Variants in DGUOK observed in about 807,000 individuals in gnomAD.
DGUOK encodes deoxyguanosine kinase, mitochondrial.
Under a neutral mutation model 36.6 loss-of-function variants are expected in DGUOK, and 30 were observed. The ratio of observed to expected loss-of-function variants is 0.82; its 90% CI spans 0.61 to 1.11. DGUOK has a LOEUF of 1.11. DGUOK is among the 50% of genes most tolerant of loss of function. The pLI, the probability that DGUOK is intolerant of heterozygous loss-of-function variation, is 0.00. For synonymous variants in DGUOK, 145 were observed against 126.3 expected, an observed-to-expected ratio of 1.15 and a Z score of -0.99; for missense variants, 361 against 336.4, an observed-to-expected ratio of 1.07 and a Z score of -0.57.
chr2:73,940,973 C>T (rs1250259114), intron 2 of DGUOK, among the ~76,000 whole-genome samples: 1 of 152,242 alleles, frequency 6.6e-6, no homozygotes, highest in Non-Finnish European at 1.5e-5. Flanking sequence ...ATATTCCTCC[C>T]TTCTAGAAGT....
chr2:73,946,658 G>A, intron 2 of DGUOK, 61 bp from the exon 3 acceptor site: 1 of 1,469,486 alleles, frequency 6.8e-7, no homozygotes, highest in South Asian at 1.1e-5. Flanking sequence ...GTGGAGGGGT[G>A]TACCCCATGG....
intron 6 of DGUOK, among the ~76,000 whole-genome samples, 164 bp downstream of exon 6, chr2:73,958,409 C>G (rs961372776): frequency 1.3e-5 from 2 of 152,186 alleles, no homozygotes; most frequent in African/African-American, 4.8e-5. Context: ...ACAAATATCC[C>G]TATTCTCTAA....
intron 2 of DGUOK, among the ~76,000 whole-genome samples, chr2:73,942,413 C>T (rs974270427): frequency 6.6e-6 from 1 of 152,002 alleles, no homozygotes; most frequent in Admixed American, 6.5e-5. Context: ...AGTTATAAGA[C>T]TTTAGTTTTT....
chr2:73,927,929 T>G (rs910105392), intron 1 of DGUOK, among the ~76,000 whole-genome samples: 1 of 152,212 alleles, frequency 6.6e-6, no homozygotes, highest in South Asian at 2.1e-4. Flanking sequence ...AATCACCTTT[T>G]GAGCCACTTC....
intron 3 of DGUOK, among the ~76,000 whole-genome samples, chr2:73,947,469 C>CT (rs1558658708): frequency 6.6e-6 from 1 of 152,058 alleles, no homozygotes; most frequent in South Asian, 2.1e-4. Context: ...TGTGAGAGGG[C>CT]TTTTTGCTGG....
At chr2:73,943,025 CTTTTT>C (rs1273977416) in intron 2 of DGUOK, among the ~76,000 whole-genome samples, 1 of 151,896 alleles carries the variant, frequency 6.6e-6, no homozygotes, top group Non-Finnish European at 1.5e-5. Context: ...CTAGAATGAA[CTTTTT>C]TTTGGTCATG....
Position 73,948,854 on chromosome 2 carries a change from C to T in DGUOK, c.444-1731C>T, listed in dbSNP as rs1274717962. 4.6e-5 allele frequency among the ~76,000 whole-genome samples: 7 copies of T among 152,208 alleles called. 1 individual carries two copies. On this transcript the variant is annotated intron_variant, in intron 3 of 6. Coordinates refer to ENST00000264093, the MANE Select transcript of DGUOK (RefSeq NM_080916.3). ...ACCCTTCTGCCCCTCACCCCATCAC[C>T]ACCACAAGCTTTGAAGAAATAAAGG... is the stretch of plus-strand genomic sequence containing the variant.
At chr2:73,958,298 A>ATCTT (rs1683282875) in intron 6 of DGUOK, 53 bp downstream of exon 6, 1 of 1,441,520 alleles carries the variant, frequency 6.9e-7, no homozygotes, top group Admixed American at 1.7e-5. Flanking sequence ...TTGTACTTTT[A>ATCTT]TCTTTCTGGC....
chr2:73,932,938 T>A (rs1232688449), intron 1 of DGUOK, among the ~76,000 whole-genome samples: 1 of 152,252 alleles, frequency 6.6e-6, no homozygotes, highest in South Asian at 2.1e-4. Flanking sequence ...TATTATCATC[T>A]TCTTGTGATT....
At chr2:73,955,768 A>C (rs1396586511) in intron 4 of DGUOK, among the ~76,000 whole-genome samples, 1 of 152,028 alleles carries the variant, frequency 6.6e-6, no homozygotes, top group Non-Finnish European at 1.5e-5. Flanking sequence ...CAGCTACTTG[A>C]GAGGCTGAGG....
chr2:73,929,924 T>G, intron 1 of DGUOK, among the ~76,000 whole-genome samples: 1 of 152,198 alleles, frequency 6.6e-6, no homozygotes, highest in East Asian at 1.9e-4. Flanking sequence ...CATTTTTAAT[T>G]TTCTTTTTGT....
At chr2:73,939,860 T>C (rs1410292862) in intron 2 of DGUOK, among the ~76,000 whole-genome samples, 1 of 152,120 alleles carries the variant, frequency 6.6e-6, no homozygotes, top group East Asian at 1.9e-4. Flanking sequence ...CTATATATAG[T>C]TGAAGGTAAT....
chr2:73,952,921 T>A (rs1385990101), intron 4 of DGUOK, among the ~76,000 whole-genome samples: 1 of 152,140 alleles, frequency 6.6e-6, no homozygotes, highest in South Asian at 2.1e-4. Context: ...CTCACAGTTA[T>A]GGAGACTGGG....
At chr2:73,943,585 A>T (rs1233686476) in intron 2 of DGUOK, among the ~76,000 whole-genome samples, 1 of 151,828 alleles carries the variant, frequency 6.6e-6, no homozygotes, top group East Asian at 1.9e-4. Context: ...CTTTAAGATT[A>T]TATGGATTCA....
intron 1 of DGUOK, 142 bp downstream of exon 1, chr2:73,927,194 C>A (rs1328637753): frequency 9.7e-6 from 11 of 1,136,048 alleles, no homozygotes; most frequent in Non-Finnish European, 1.1e-5. Context: ...TTTCCCCTCG[C>A]AAAGTGCACT....
At chr2:73,932,367 G>C (rs1279663538) in intron 1 of DGUOK, among the ~76,000 whole-genome samples, 6 of 152,136 alleles carry the variant, frequency 3.9e-5, no homozygotes, top group Admixed American at 3.9e-4. Context: ...CTTGAGTTCT[G>C]CTGAGCTTGT....
Position 73,954,894 on chromosome 2 carries a change from C to T in DGUOK, c.592-2231C>T, listed in dbSNP as rs141047514. On this transcript the variant is annotated intron_variant, in intron 4 of 6. Transcript: ENST00000264093. ...TGTTCACATTCAGGTGTGTCTTCCT[C>T]ATGAGGACTGAGATGAAGAGGGGTC... 9.2e-5 allele frequency among the ~76,000 whole-genome samples: 14 copies of T among 152,284 alleles called. No individual in the cohort carries two copies. In the East Asian group the frequency reaches 2.7e-3, roughly 29 times the overall value.
intron 4 of DGUOK, among the ~76,000 whole-genome samples, chr2:73,954,389 G>C (rs993277770): frequency 1.3e-5 from 2 of 151,994 alleles, no homozygotes; most frequent in Admixed American, 1.3e-4. Context: ...GGCAACTCAG[G>C]CCGGGCACGG....
intron 4 of DGUOK, among the ~76,000 whole-genome samples, chr2:73,951,792 G>A (rs1682723880): frequency 6.6e-6 from 1 of 152,202 alleles, no homozygotes; most frequent in African/African-American, 2.4e-5. Flanking sequence ...TCTTTGTGTT[G>A]AGAGTTTCTG....
Sources: gnomAD v4.1 joint callset for allele counts (sites outside exome capture counted in the v4.1 genomes callset) on GRCh38, gnomAD v4.1.1 for gene constraint, MANE v1.5 for transcripts, NCBI Gene and HGNC (gene_info 2026-07-23, HGNC 2026-07-21) for gene names.